OR8B3: variants seen among roughly 807,000 people sequenced by gnomAD.
OR8B3 encodes the protein olfactory receptor 8B3.
For synonymous variants in OR8B3, 102 were observed against 135.4 expected (o/e 0.75, Z 1.71); for missense variants, 278 against 377.6 (o/e 0.74, Z 2.19).
chr11:124,397,390 C>A, intron 1 of OR8B3, 22 bp from the exon 2 acceptor site: 5 of 886,304 alleles, frequency 5.6e-6, no homozygotes, highest in South Asian at 1.8e-5. Context: ...AAAGAAAATT[C>A]TATTAGGAAC....
chr11:124,408,545 G>C, the OR8B3 span, among the ~76,000 whole-genome samples: 286 of 152,272 alleles, frequency 1.9e-3, no homozygotes, highest in African/African-American at 6.7e-3. Flanking sequence ...GGGTCTTCTT[G>C]TCTATAGGTG....
In OR8B3 at chr11:124,398,903, A is replaced by C. The variant is rs1860943018; in HGVS notation, c.-231T>G. On this transcript the variant is annotated 5_prime_UTR_variant, in exon 1 of 2. Coordinates refer to ENST00000641139, the MANE Select transcript of OR8B3 (RefSeq NM_001005467.2). ...GTGTAGATCAAACTATTATTTATAA[A>C]TTTGCCAAGAGGGTTTGTTGGAAAA... 1 of 132,258 alleles carries C rather than the reference A, an allele frequency of 7.6e-6. No individual in the cohort carries two copies. The highest frequency in any genetic ancestry group is 2.2e-4 in the East Asian group (1 of 4,496). The allele number at this position is 132,258 out of a possible 1,614,324, so 8.2% of individuals were successfully genotyped here. A position where few individuals can be genotyped will look rare whatever the true frequency, so the allele number is the denominator to read the frequency against.
upstream of OR8B3, among the ~76,000 whole-genome samples, chr11:124,400,020 T>C (rs1039814083): frequency 6.6e-6 from 1 of 151,904 alleles, no homozygotes; most frequent in African/African-American, 2.4e-5. Context: ...GCCACCACCA[T>C]TGGATAATTT....
chr11:124,406,919 C>T, the OR8B3 span, among the ~76,000 whole-genome samples: 1 of 151,956 alleles, frequency 6.6e-6, no homozygotes, highest in Admixed American at 6.6e-5. Context: ...CAATTTTAAA[C>T]ACTATTTACA....
At chr11:124,403,983 C>T (rs752076041), upstream of OR8B3, among the ~76,000 whole-genome samples, 38 of 152,292 alleles carry the variant, frequency 2.5e-4, 1 homozygote, top group African/African-American at 5.1e-4. Context: ...CGTGGCGGCG[C>T]GCGCCTGCAA....
At chr11:124,407,712 G>A in the OR8B3 span, among the ~76,000 whole-genome samples, 1 of 152,046 alleles carries the variant, frequency 6.6e-6, no homozygotes, top group African/African-American at 2.4e-5. Flanking sequence ...GAAATTGCCT[G>A]TCTGAAATTG....
At position 124,397,059 on chromosome 11, in the gene OR8B3, A is replaced by G. The variant is rs1658045031; in HGVS notation, c.293T>C (p.Met98Thr). The stretch of plus-strand genomic sequence containing the variant: ...AAAGAGAAAGAAAAACAGCTGAGTC[A>G]TGCACCCAACATAGGAGATAATATT... ...KKNIISYVGC[M>T]TQLFFFLFFV... Residue 98 changes from methionine (M) to threonine (T), a missense_variant, in exon 2 of 2, where the codon ATG becomes ACG. Coordinates refer to ENST00000641139, the MANE Select transcript of OR8B3 (RefSeq NM_001005467.2). The G allele has an allele frequency of 6.2e-7, 1 of 1,613,862 alleles. No individual in the cohort carries two copies.
upstream of OR8B3, among the ~76,000 whole-genome samples, chr11:124,402,654 T>C (rs1019403890): frequency 2.0e-5 from 3 of 152,214 alleles, no homozygotes; most frequent in African/African-American, 7.2e-5. Flanking sequence ...AGATGTGCTC[T>C]TGAGCAAAAC....
upstream of OR8B3, among the ~76,000 whole-genome samples, chr11:124,403,569 G>A (rs1442633378): frequency 6.6e-6 from 1 of 151,932 alleles, no homozygotes; most frequent in African/African-American, 2.4e-5. Context: ...GCCGGGCAGA[G>A]ACGATCCTCA....
Position 124,396,211 on chromosome 11 carries a change from G to T in OR8B3, c.*199C>A. On this transcript the variant is annotated 3_prime_UTR_variant, in exon 2 of 2. Transcript: ENST00000641139. ...TATGTTCCTTTTACAAAGATGCCAT[G>T]ACCTATTTAGTAAAATTGTGAGAAG... The T allele has an allele frequency of 1.8e-6, 1 of 552,256 alleles. No individual in the cohort carries two copies. Among genetic ancestry groups the T allele is most frequent in the Non-Finnish European group, 3.2e-6 (1 of 316,586 alleles). 34.2% of individuals were successfully genotyped at this position (552,256 alleles called of 1,614,324 possible). A position where few individuals can be genotyped will look rare whatever the true frequency, so the allele number is the denominator to read the frequency against.
upstream of OR8B3, among the ~76,000 whole-genome samples, chr11:124,402,406 A>G (rs1364991162): frequency 6.6e-6 from 1 of 152,226 alleles, no homozygotes; most frequent in Non-Finnish European, 1.5e-5. Context: ...TTTAATTTTA[A>G]AAATTGAAAA....
chr11:124,399,938 G>A (rs1860962381), upstream of OR8B3, among the ~76,000 whole-genome samples: 1 of 146,446 alleles, frequency 6.8e-6, no homozygotes, highest in South Asian at 2.1e-4. Context: ...ACAGCTTACT[G>A]CAGCCTCAAC....
At chr11:124,403,838 A>G (rs1861038916), upstream of OR8B3, among the ~76,000 whole-genome samples, 1 of 152,222 alleles carries the variant, frequency 6.6e-6, no homozygotes, top group Admixed American at 6.5e-5. Flanking sequence ...GCACTGAGTG[A>G]GCGAGACTCC....
At chr11:124,401,493 C>A (rs938648090), upstream of OR8B3, among the ~76,000 whole-genome samples, 2 of 152,102 alleles carry the variant, frequency 1.3e-5, no homozygotes, top group Non-Finnish European at 2.9e-5. Context: ...ATTTGTACCA[C>A]CATTTAAAAC....
chr11:124,404,783 C>A, the OR8B3 span: 3 of 152,190 alleles, frequency 2.0e-5, no homozygotes, highest in African/African-American at 7.2e-5. Context: ...CCCACAATGA[C>A]CCCATTTTTA....
chr11:124,396,377 T>C lies in OR8B3; in HGVS notation c.*33A>G, dbSNP rs777970295. On this transcript the variant is annotated 3_prime_UTR_variant, in exon 2 of 2. Transcript: ENST00000641139. ...GAACACACTAATAAAAATTTAAAGT[T>C]CTTCAATCGTTTTACATTATTACTG... 1 of 1,543,460 alleles carries C rather than the reference T, an allele frequency of 6.5e-7. No homozygotes were observed. The highest frequency in any genetic ancestry group is 8.7e-7 in the Non-Finnish European group (1 of 1,146,142).
chr11:124,402,090 T>A (rs1352990395), upstream of OR8B3, among the ~76,000 whole-genome samples: 1 of 152,236 alleles, frequency 6.6e-6, no homozygotes, highest in Non-Finnish European at 1.5e-5. Flanking sequence ...CCTGACAGCA[T>A]CTTTTTAGGC....
In OR8B3 at chr11:124,396,118, A is replaced by C; in HGVS notation, c.*292T>G. The C allele has an allele frequency of 4.1e-6, 1 of 244,340 alleles. No homozygotes were observed. Among genetic ancestry groups the C allele is most frequent in the Non-Finnish European group, 7.8e-6 (1 of 128,054 alleles). The allele number at this position is 244,340 out of a possible 1,614,324, so 15.1% of individuals were successfully genotyped here. ...CTTTATAATTCATGAAATTTACCAT[A>C]TATGTCCAATTAAGAACAGCCCAGG... is the stretch of plus-strand genomic sequence containing the variant. On this transcript the variant is annotated 3_prime_UTR_variant, in exon 2 of 2. Transcript: ENST00000641139.
Position 124,396,275 on chromosome 11 carries a change from T to G in OR8B3, c.*135A>C, listed in dbSNP as rs1392824463. 2 of 856,296 alleles carry G rather than the reference T, an allele frequency of 2.3e-6. No homozygotes were observed. Among genetic ancestry groups the G allele is most frequent in the Admixed American group, 3.3e-5 (1 of 30,386 alleles). The allele number at this position is 856,296 out of a possible 1,614,324, so 53.0% of individuals were successfully genotyped here. A position where few individuals can be genotyped will look rare whatever the true frequency, so the allele number is the denominator to read the frequency against. The stretch of plus-strand genomic sequence containing the variant: ...AAACCAAAAAAAGAGACAAGATGAT[T>G]TCATAAGAGAAATGATAAGACAAGT... On this transcript the variant is annotated 3_prime_UTR_variant, in exon 2 of 2. Coordinates refer to ENST00000641139, the MANE Select transcript of OR8B3 (RefSeq NM_001005467.2).
Sources: gnomAD v4.1 joint callset for allele counts (sites outside exome capture counted in the v4.1 genomes callset) on GRCh38, gnomAD v4.1.1 for gene constraint, MANE v1.5 for transcripts, NCBI Gene and HGNC (gene_info 2026-07-23, HGNC 2026-07-21) for gene names.